ABCD2: variants seen among roughly 807,000 people sequenced by gnomAD.
The protein encoded by ABCD2 is ATP binding cassette subfamily D member 2.
In ABCD2, 36 loss-of-function variants were observed where a neutral mutation model predicts 70.9. That is an observed-to-expected ratio of 0.51 (90% CI 0.39 to 0.67). The LOEUF (loss-of-function observed/expected upper bound fraction) is 0.67. Ranked by LOEUF, ABCD2 falls within the 30% of genes least tolerant of loss-of-function variation. The pLI is 0.00. For synonymous variants in ABCD2, 304 were observed against 306.9 expected (o/e 0.99, Z 0.10); for missense variants, 729 against 890.2 (o/e 0.82, Z 2.30).
rs1416098087 is a variant in ABCD2 at position 39,618,798 on chromosome 12, GC to G, written c.817del (p.Ala273ProfsTer28). 6.2e-7 allele frequency: 1 copy of G among 1,614,206 alleles called. No homozygotes were observed. The highest frequency in any genetic ancestry group is 8.5e-7 in the Non-Finnish European group (1 of 1,180,038). On this transcript the variant is annotated frameshift_variant, in exon 1 of 10. Transcript: ENST00000308666. LOFTEE classifies it high-confidence loss of function. The stretch of plus-strand genomic sequence containing the variant: ...CAGTTTGCCAAATTTGGGAGAACAG[GC>G]TTTTAACACTTTAGCAGTGGCATAC... ...VVYATAKVLK[A>X]CSPKFGKLVA...
intron 9 of ABCD2, among the ~76,000 whole-genome samples, chr12:39,558,223 C>T (rs1941199117): frequency 6.6e-6 from 1 of 152,202 alleles, no homozygotes; most frequent in Non-Finnish European, 1.5e-5. Flanking sequence ...TTAGGATTTG[C>T]ACAGGGCCTA....
At chr12:39,608,833 A>G (rs1942007505) in intron 2 of ABCD2, among the ~76,000 whole-genome samples, 1 of 152,158 alleles carries the variant, frequency 6.6e-6, no homozygotes, top group South Asian at 2.1e-4. Flanking sequence ...AGAAATGCAA[A>G]TTAGCTGATT....
At chr12:39,585,354 G>C (rs1250832751) in intron 7 of ABCD2, among the ~76,000 whole-genome samples, 1 of 152,050 alleles carries the variant, frequency 6.6e-6, no homozygotes, top group East Asian at 1.9e-4. Flanking sequence ...AGTGATTTTT[G>C]TATGTTGATT....
At chr12:39,606,518 A>T (rs1471514092) in intron 3 of ABCD2, among the ~76,000 whole-genome samples, 1 of 152,246 alleles carries the variant, frequency 6.6e-6, no homozygotes, top group Non-Finnish European at 1.5e-5. Context: ...AATGTGAGAT[A>T]AATAAAATTT....
At chr12:39,557,413 T>C (rs1566528670) in intron 9 of ABCD2, among the ~76,000 whole-genome samples, 1 of 152,110 alleles carries the variant, frequency 6.6e-6, no homozygotes, top group Admixed American at 6.5e-5. Flanking sequence ...TTGGAACTTA[T>C]GTTTGAAAGG....
chr12:39,569,874 A>G (rs1941421877), intron 9 of ABCD2, among the ~76,000 whole-genome samples: 1 of 152,200 alleles, frequency 6.6e-6, no homozygotes, highest in Admixed American at 6.5e-5. Context: ...AGATTTATAA[A>G]TGAATTCAGG....
intron 8 of ABCD2, among the ~76,000 whole-genome samples, chr12:39,576,449 G>A (rs1566551073): frequency 6.6e-6 from 1 of 151,990 alleles, no homozygotes; most frequent in Non-Finnish European, 1.5e-5. Flanking sequence ...GTGATCCACC[G>A]CGCCCGGGAT....
At chr12:39,595,191 T>G (rs1331599581) in intron 6 of ABCD2, among the ~76,000 whole-genome samples, 2 of 152,218 alleles carry the variant, frequency 1.3e-5, no homozygotes, top group African/African-American at 2.4e-5. Context: ...GACTGTGTTA[T>G]GATTATCTGA....
At chr12:39,616,896 GTACACAGTTT>G in intron 2 of ABCD2, 82 bp downstream of exon 2, 1 of 1,170,220 alleles carries the variant, frequency 8.5e-7, no homozygotes, top group African/African-American at 1.6e-5. Context: ...ATATGACCAT[GTACACAGTTT>G]AGCTCACATA....
the ABCD2 span, among the ~76,000 whole-genome samples, chr12:39,534,705 A>C: frequency 1.4e-5 from 2 of 138,868 alleles, no homozygotes; most frequent in African/African-American, 5.9e-5. Flanking sequence ...GAAGGACGGA[A>C]GGAAGGAAGG....
chr12:39,536,975 C>T, the ABCD2 span, among the ~76,000 whole-genome samples: 4 of 152,144 alleles, frequency 2.6e-5, no homozygotes, highest in South Asian at 8.3e-4. Context: ...CCCCAGGCTA[C>T]CCTCCATTAC....
chr12:39,541,521 T>A, the ABCD2 span, among the ~76,000 whole-genome samples: 1 of 152,162 alleles, frequency 6.6e-6, no homozygotes, highest in African/African-American at 2.4e-5. Context: ...GAATTCAGAT[T>A]ATGTAGGGGC....
chr12:39,586,209 C>T lies in ABCD2; in HGVS notation c.1735G>A (p.Asp579Asn), dbSNP rs765416303. ...DMHDKGYTDQ[D>N]LERILHNVHL... is the part of the protein sequence containing the mutation. ...ACATTGTGTAGGATACGTTCCAGAT[C>T]TTGGTCTGTATAACCTTTATCATGC... The change falls in exon 7 of 10, where the codon GAT (aspartate) becomes AAT (asparagine). Residue 579 changes from aspartate (D) to asparagine (N), a missense_variant. Coordinates refer to ENST00000308666, the MANE Select transcript of ABCD2 (RefSeq NM_005164.4). The T allele has an allele frequency of 6.2e-7, 1 of 1,613,500 alleles. No individual in the cohort carries two copies. The highest frequency in any genetic ancestry group is 8.5e-7 in the Non-Finnish European group (1 of 1,179,656).
chr12:39,557,351 G>C (rs1941184310), intron 9 of ABCD2, among the ~76,000 whole-genome samples: 3 of 152,156 alleles, frequency 2.0e-5, no homozygotes, highest in Admixed American at 2.0e-4. Context: ...GATGTAATCT[G>C]GGTGCTCTTA....
chr12:39,561,150 C>A (rs1010072774), intron 9 of ABCD2, among the ~76,000 whole-genome samples: 1 of 151,866 alleles, frequency 6.6e-6, no homozygotes, highest in Non-Finnish European at 1.5e-5. Flanking sequence ...AATCTCAGTG[C>A]TTTTGGAGGC....
intron 7 of ABCD2, among the ~76,000 whole-genome samples, chr12:39,580,357 C>T (rs935013268): frequency 4.6e-5 from 7 of 152,126 alleles, no homozygotes; most frequent in African/African-American, 1.7e-4. Flanking sequence ...TAACTGTTGA[C>T]TTTCTGTTTG....
rs764057994 is a variant in ABCD2 at position 39,554,034 on chromosome 12, G to T, written c.2101C>A (p.Gln701Lys). ...AIRLTLSEEK[Q>K]KLESQLAGIP... ...CCAGCTAGCTGAGATTCTAGCTTTTGTTTTTCTTCACTCAATGTCAAACGG... is the reference window on the plus strand; with the variant it reads ...CCAGCTAGCTGAGATTCTAGCTTTTTTTTTTCTTCACTCAATGTCAAACGG... Residue 701 changes from glutamine to lysine, a missense_variant, in exon 10 of 10, where the codon CAA (glutamine) becomes AAA (lysine). Coordinates refer to ENST00000308666, the MANE Select transcript of ABCD2 (RefSeq NM_005164.4). 2 of 1,613,578 alleles carry T rather than the reference G, an allele frequency of 1.2e-6. No individual in the cohort carries two copies. Among genetic ancestry groups the T allele is most frequent in the Non-Finnish European group, 1.7e-6 (2 of 1,179,816 alleles).
the ABCD2 span, among the ~76,000 whole-genome samples, chr12:39,533,113 C>T: frequency 2.0e-5 from 3 of 151,690 alleles, no homozygotes; most frequent in African/African-American, 4.8e-5. Context: ...TGCAGTGAGC[C>T]GAGATCGTGT....
rs60184795 is a variant in ABCD2 at position 39,568,760 on chromosome 12, A to G, written c.2003+4956T>C. ...GTTTTTTCCCCATCTTTCTGGTTTT[A>G]TCTATCTTTGGTCTTTGATGATGGT... On this transcript the variant is annotated intron_variant, in intron 9 of 9. Coordinates refer to ENST00000308666, the MANE Select transcript of ABCD2 (RefSeq NM_005164.4). 4.1e-4 allele frequency among the ~76,000 whole-genome samples: 63 copies of G among 152,064 alleles called. No homozygotes were observed. The East Asian group carries it at 0.011, about 27-fold the overall frequency.
Sources: allele counts gnomAD v4.1 joint callset (sites outside exome capture counted in the v4.1 genomes callset), GRCh38; gene constraint gnomAD v4.1.1; transcripts MANE v1.5; gene names NCBI Gene and HGNC (gene_info 2026-07-23, HGNC 2026-07-21).